Variants in RBFOX1 observed in about 807,000 individuals in gnomAD.
RBFOX1 encodes RNA binding fox-1 homolog 1.
Under a neutral mutation model 57.7 loss-of-function variants are expected in RBFOX1, and 8 were observed. The ratio of observed to expected loss-of-function variants is 0.14; its 90% CI spans 0.08 to 0.25. RBFOX1 has a LOEUF of 0.25. RBFOX1 is among the 10% of genes least tolerant of loss of function. RBFOX1 has a pLI of 1.00. For missense variants in RBFOX1, 611 were observed against 548.5 expected (o/e 1.11, Z -1.14); for synonymous variants, 326 against 222.4 (o/e 1.47, Z -4.15).
At chr16:5,829,952 G>T (rs1433630045) in intron 3 of RBFOX1, among the ~76,000 whole-genome samples, 2 of 152,150 alleles carry the variant, frequency 1.3e-5, no homozygotes, top group Non-Finnish European at 2.9e-5. Flanking sequence ...AGACCCTTAG[G>T]AGCAAGGATC....
At chr16:7,176,275 G>A (rs940408394) in intron 4 of RBFOX1, among the ~76,000 whole-genome samples, 4 of 147,380 alleles carry the variant, frequency 2.7e-5, no homozygotes, top group African/African-American at 1.0e-4. Context: ...ATGCATGTAA[G>A]TGCTTAGCAC....
chr16:7,243,552 T>C (rs1182110435), intron 4 of RBFOX1, among the ~76,000 whole-genome samples: 1 of 152,102 alleles, frequency 6.6e-6, no homozygotes, highest in African/African-American at 2.4e-5. Flanking sequence ...TTAGTAGTAG[T>C]ATTAATACAT....
chr16:6,787,110 A>C (rs2082095956), intron 3 of RBFOX1, among the ~76,000 whole-genome samples: 1 of 152,170 alleles, frequency 6.6e-6, no homozygotes, highest in Non-Finnish European at 1.5e-5. Flanking sequence ...ACCGAAATGC[A>C]ATGATTTCCT....
At chr16:7,309,693 C>T (rs1403683722) in intron 4 of RBFOX1, among the ~76,000 whole-genome samples, 3 of 152,284 alleles carry the variant, frequency 2.0e-5, no homozygotes, top group Non-Finnish European at 4.4e-5. Context: ...CTTGTTTATT[C>T]ATATTGGCCG....
chr16:7,274,801 C>G (rs1358979774), intron 4 of RBFOX1, among the ~76,000 whole-genome samples: 1 of 152,024 alleles, frequency 6.6e-6, no homozygotes, highest in Non-Finnish European at 1.5e-5. Flanking sequence ...TCTCATGGCT[C>G]AGCCTCCTGA....
chr16:7,386,721 A>G (rs1036140857), intron 4 of RBFOX1, among the ~76,000 whole-genome samples: 9 of 152,148 alleles, frequency 5.9e-5, no homozygotes, highest in African/African-American at 1.2e-4. Context: ...AGCATGATTT[A>G]TAATCCTTTG....
intron 4 of RBFOX1, among the ~76,000 whole-genome samples, chr16:7,335,596 AAAAAAAAAAAAAAC>A (rs756842192): frequency 2.6e-3 from 169 of 64,718 alleles, no homozygotes; most frequent in African/African-American, 0.018. Flanking sequence ...AAAAAAAAAA[AAAAAAAAAAAAAAC>A]CAAGTGATTT....
chr16:7,124,801 A>G (rs372121087), intron 4 of RBFOX1, among the ~76,000 whole-genome samples: 57 of 152,180 alleles, frequency 3.7e-4, no homozygotes, highest in African/African-American at 1.3e-3. Flanking sequence ...ACAGACAGCC[A>G]GTGTAGAGAC....
At chr16:5,769,203 C>T (rs1218685077) in intron 3 of RBFOX1, among the ~76,000 whole-genome samples, 1 of 152,094 alleles carries the variant, frequency 6.6e-6, no homozygotes, top group African/African-American at 2.4e-5. Flanking sequence ...ATTATGTCCC[C>T]TCAAAATTCA....
intron 1 of RBFOX1, among the ~76,000 whole-genome samples, chr16:6,104,023 A>G (rs902090147): frequency 3.3e-5 from 5 of 152,010 alleles, no homozygotes; most frequent in Non-Finnish European, 5.9e-5. Flanking sequence ...CCTTGACCCT[A>G]GAGAATTTCA....
At chr16:7,077,677 G>A (rs1278675372) in intron 4 of RBFOX1, among the ~76,000 whole-genome samples, 1 of 152,154 alleles carries the variant, frequency 6.6e-6, no homozygotes, top group East Asian at 1.9e-4. Context: ...ACTTTAAAAT[G>A]TTTTTAAAAT....
chr16:6,546,613 C>G (rs192588680), intron 2 of RBFOX1, among the ~76,000 whole-genome samples: 5 of 152,296 alleles, frequency 3.3e-5, no homozygotes, highest in Non-Finnish European at 2.9e-5. Context: ...GTCTTTGTGT[C>G]CACATTTCTC....
intron 1 of RBFOX1, among the ~76,000 whole-genome samples, chr16:5,467,049 A>C (rs2068974224): frequency 6.6e-6 from 1 of 152,216 alleles, no homozygotes; most frequent in Admixed American, 6.5e-5. Context: ...CAGAGCCTAC[A>C]ACAGAGCCTG....
chr16:7,334,527 C>G (rs908304532), intron 4 of RBFOX1, among the ~76,000 whole-genome samples: 2 of 152,094 alleles, frequency 1.3e-5, no homozygotes, highest in African/African-American at 4.8e-5. Context: ...TCACTCTATG[C>G]TGATTGATGC....
At chr16:7,212,696 A>G (rs999440482) in intron 4 of RBFOX1, among the ~76,000 whole-genome samples, 2 of 152,224 alleles carry the variant, frequency 1.3e-5, no homozygotes, top group African/African-American at 2.4e-5. Flanking sequence ...AACTTACGCT[A>G]CATGAGGACA....
intron 4 of RBFOX1, among the ~76,000 whole-genome samples, chr16:5,985,846 C>G (rs961301256): frequency 3.3e-5 from 5 of 152,142 alleles, no homozygotes; most frequent in African/African-American, 4.8e-5. Flanking sequence ...AGGTGCTCTA[C>G]AACCCAAGCA....
chr16:7,189,554 A>AACACACACACACACAC (rs779531861), intron 4 of RBFOX1, among the ~76,000 whole-genome samples: 46 of 135,870 alleles, frequency 3.4e-4, no homozygotes, highest in Middle Eastern at 3.8e-3. Flanking sequence ...TGTCCCCCAA[A>AACACACACACACACAC]ACACACACAC....
At chr16:6,356,421 GA>G (rs1229437938) in intron 2 of RBFOX1, among the ~76,000 whole-genome samples, 1 of 152,186 alleles carries the variant, frequency 6.6e-6, no homozygotes, top group Non-Finnish European at 1.5e-5. Flanking sequence ...CTGGGCAACA[GA>G]GCGAGAACTT....
chr16:5,625,155 C>G (rs1324103614), intron 3 of RBFOX1, among the ~76,000 whole-genome samples: 1 of 152,144 alleles, frequency 6.6e-6, no homozygotes, highest in African/African-American at 2.4e-5. Flanking sequence ...CCAAAGTGCA[C>G]TTAGTATTGT....
Sources: gnomAD v4.1 joint callset for allele counts (sites outside exome capture counted in the v4.1 genomes callset) on GRCh38, gnomAD v4.1.1 for gene constraint, MANE v1.5 for transcripts, NCBI Gene and HGNC (gene_info 2026-07-23, HGNC 2026-07-21) for gene names.